The following ABCA4 variants were observed in gnomAD, a reference collection of about 807,000 sequenced individuals.
ABCA4 encodes retinal-specific phospholipid-transporting ATPase ABCA4.
In ABCA4, 196 loss-of-function variants were observed where a neutral mutation model predicts 263.7. That is an observed-to-expected ratio of 0.74 (90% confidence interval 0.66 to 0.84). The LOEUF is 0.84. ABCA4 is among the 40% of genes least tolerant of loss of function. The pLI, the probability that ABCA4 is intolerant of heterozygous loss-of-function variation, is 0.00. For synonymous variants in ABCA4, 1,133 were observed against 1,094.2 expected (o/e 1.04, Z -0.70); for missense variants, 2,792 against 2,855.1 (o/e 0.98, Z 0.50).
intron 18 of ABCA4, 89 bp downstream of exon 18, chr1:94,048,779 C>A (rs938667817): frequency 3.9e-6 from 5 of 1,291,430 alleles, no homozygotes; most frequent in South Asian, 1.2e-5. Context: ...CTTCTTTCCA[C>A]CCTTGCCATG....
rs756497325 is a variant in ABCA4 at position 94,084,943 on chromosome 1, C to T, written c.769-1502G>A. On this transcript the variant is annotated intron_variant, in intron 6 of 49. Transcript: ENST00000370225. ...AAGCAAGTTAGCCCCAAGTCCTGCC[C>T]GTCCTCCCTCCTGTCTCCCCTGAGA... Among the ~76,000 whole-genome samples the T allele has an allele frequency of 3.9e-5, 6 of 152,152 alleles. No individual in the cohort carries two copies. The East Asian group carries it at 5.8e-4, about 15-fold the overall frequency.
chr1:94,076,607 A>T (rs148984090), intron 11 of ABCA4, among the ~76,000 whole-genome samples: 326 of 152,320 alleles, frequency 2.1e-3, no homozygotes, highest in African/African-American at 7.2e-3. Flanking sequence ...AGCAGAGTTG[A>T]GCAAGGGCTG....
intron 24 of ABCA4, 147 bp downstream of exon 24, chr1:94,039,896 G>A (rs1161922636): frequency 2.7e-6 from 2 of 736,450 alleles, no homozygotes; most frequent in African/African-American, 1.7e-5. Context: ...GGAGAAAGAA[G>A]CTCAAAGCAA....
chr1:94,016,727 T>C (rs566528779), intron 36 of ABCA4, among the ~76,000 whole-genome samples: 17 of 152,162 alleles, frequency 1.1e-4, no homozygotes, highest in Non-Finnish European at 2.4e-4. Flanking sequence ...GATAGAGGTG[T>C]GTGCATACCT....
chr1:94,001,663 C>T (rs760389812), intron 45 of ABCA4, 195 bp downstream of exon 45: 41 of 801,098 alleles, frequency 5.1e-5, no homozygotes, highest in Non-Finnish European at 7.7e-5. Flanking sequence ...CAAGGCTGTG[C>T]CGTGACTTGT....
chr1:94,005,446 C>T lies in ABCA4; in HGVS notation c.6142G>A (p.Glu2048Lys), dbSNP rs755513058. ...CACAACAAAACATTTTTCACCTTTTCGATTTCTTCTGCTGGTACACCTCGA... is the reference window on the plus strand; with the variant it reads ...CACAACAAAACATTTTTCACCTTTTTGATTTCTTCTGCTGGTACACCTCGA... The part of the protein sequence containing the change: ...RLRGVPAEEI[E>K]KVANWSIKSL... Residue 2048 changes from glutamate to lysine, a missense_variant, in exon 44 of 50, where the codon GAA becomes AAA. By Grantham distance (56) the Glu-to-Lys change is moderately conservative. Coordinates refer to ENST00000370225, the MANE Select transcript of ABCA4 (RefSeq NM_000350.3). The T allele has an allele frequency of 5.0e-6, 8 of 1,613,920 alleles. No individual in the cohort carries two copies. Among genetic ancestry groups the T allele is most frequent in the Middle Eastern group, 1.6e-4 (1 of 6,084 alleles).
At chr1:93,996,698 A>G (rs1408473154) in intron 48 of ABCA4, among the ~76,000 whole-genome samples, 1 of 152,206 alleles carries the variant, frequency 6.6e-6, no homozygotes, top group African/African-American at 2.4e-5. Flanking sequence ...AAAAAAACAT[A>G]TATAAAAACA....
chr1:94,095,291 C>T (rs147780637), intron 6 of ABCA4, among the ~76,000 whole-genome samples: 279 of 151,718 alleles, frequency 1.8e-3, no homozygotes, highest in African/African-American at 5.6e-3. Flanking sequence ...CCAGCGCCCC[C>T]CTCCGATTCT....
At chr1:94,041,542 A>C in intron 22 of ABCA4, 140 bp from the exon 23 acceptor site, 2 of 852,138 alleles carry the variant, frequency 2.3e-6, no homozygotes, top group South Asian at 3.1e-5. Flanking sequence ...GAACTAATTC[A>C]GCAGCAAATT....
chr1:93,999,776 C>T (rs2100992094), intron 47 of ABCA4, among the ~76,000 whole-genome samples: 1 of 152,310 alleles, frequency 6.6e-6, no homozygotes. Context: ...GAACACTCCC[C>T]TCTCACCCCC....
chr1:94,029,707 C>T (rs1660145496), intron 29 of ABCA4, 76 bp from the exon 30 acceptor site: 2 of 1,364,750 alleles, frequency 1.5e-6, no homozygotes, highest in Non-Finnish European at 2.0e-6. Flanking sequence ...GAAATTGTGC[C>T]CAACCCTTTC....
In ABCA4 at chr1:94,111,524, C is replaced by T; in HGVS notation, c.216G>A (p.Gly72=). 1 of 1,614,180 alleles carries T rather than the reference C, an allele frequency of 6.2e-7. No individual in the cohort carries two copies. Among genetic ancestry groups the T allele is most frequent in the East Asian group, 2.2e-5 (1 of 44,876 alleles). The change falls in exon 3 of 50, where the codon GGG becomes GGA. Residue 72 remains glycine, a synonymous_variant. Coordinates refer to ENST00000370225, the MANE Select transcript of ABCA4 (RefSeq NM_000350.3). ...PSAGMLPWLQ[G]IFCNVNNPCF... The stretch of plus-strand genomic sequence containing the variant: ...AGGGATTGTTCACATTGCAGAAGAT[C>T]CCCTGGAGCCACGGCAGCATTCCTG...
intron 17 of ABCA4, among the ~76,000 whole-genome samples, chr1:94,050,851 T>C (rs1660823310): frequency 6.6e-6 from 1 of 152,208 alleles, no homozygotes; most frequent in African/African-American, 2.4e-5. Context: ...GCAGGATAAG[T>C]CCTGGCCCAG....
intron 1 of ABCA4, 32 bp from the exon 2 acceptor site, chr1:94,113,098 C>A (rs1228650267): frequency 1.9e-6 from 3 of 1,595,540 alleles, no homozygotes; most frequent in Non-Finnish European, 2.6e-6. Flanking sequence ...AGAGAAAGTT[C>A]AGTGGTGCTA....
chr1:94,099,192 G>A (rs1327267413), intron 5 of ABCA4, among the ~76,000 whole-genome samples: 1 of 152,176 alleles, frequency 6.6e-6, no homozygotes, highest in Non-Finnish European at 1.5e-5. Flanking sequence ...GTAATCACAA[G>A]GGTCCCTTAA....
At chr1:93,998,536 C>T (rs1197764980) in intron 47 of ABCA4, among the ~76,000 whole-genome samples, 1 of 151,794 alleles carries the variant, frequency 6.6e-6, no homozygotes, top group Non-Finnish European at 1.5e-5. Context: ...AAAAGAAATA[C>T]TGGGGATTAA....
intron 44 of ABCA4, among the ~76,000 whole-genome samples, chr1:94,003,333 G>A (rs28437464): frequency 0.14 from 20,611 of 147,386 alleles, 2,469 homozygotes; most frequent in African/African-American, 0.33. Flanking sequence ...TGACTCTTAT[G>A]TTTTTGAAGA....
intron 4 of ABCA4, among the ~76,000 whole-genome samples, chr1:94,106,453 T>C (rs1207759668): frequency 1.3e-5 from 2 of 152,126 alleles, no homozygotes; most frequent in African/African-American, 4.8e-5. Flanking sequence ...CGCCAGGAGC[T>C]GGACAGCCCA....
rs375804885 is a variant in ABCA4, at chr1:94,043,494, G to A, written c.3051-19C>T. 3.0e-5 allele frequency: 49 copies of A among 1,613,902 alleles called. No homozygotes were observed. The highest frequency in any genetic ancestry group is 8.3e-5 in the Admixed American group (5 of 60,002). ...CGTGAGGCTAGGAGGATGGGACAAC[G>A]AGAAAAGCAGTGGCTTAGCACTTCC... is the stretch of plus-strand genomic sequence containing the variant. On this transcript the variant is annotated intron_variant, in intron 20 of 49. Transcript: ENST00000370225.
Sources: gnomAD v4.1 joint callset for allele counts (sites outside exome capture counted in the v4.1 genomes callset) on GRCh38, gnomAD v4.1.1 for gene constraint, MANE v1.5 for transcripts, NCBI Gene and HGNC (gene_info 2026-07-23, HGNC 2026-07-21) for gene names.